Variants in ROBO2 observed in about 807,000 individuals in gnomAD.
ROBO2 encodes the protein roundabout homolog 2.
A neutral mutation model predicts 160.8 loss-of-function variants in ROBO2; 53 were observed. The observed-to-expected ratio is 0.33, with a 90% CI of 0.26 to 0.41. The LOEUF (loss-of-function observed/expected upper bound fraction) is 0.41. Ranked by LOEUF, ROBO2 falls within the 10% of genes least tolerant of loss-of-function variation. The pLI is 1.00. For missense variants in ROBO2, 1,577 were observed against 1,722.4 expected, an observed-to-expected ratio of 0.92 and a Z score of 1.49; for synonymous variants, 664 against 611.7, an observed-to-expected ratio of 1.09 and a Z score of -1.26.
chr3:76,190,696 T>G (rs1301797063), intron 2 of ROBO2, among the ~76,000 whole-genome samples: 1 of 152,074 alleles, frequency 6.6e-6, no homozygotes, highest in Non-Finnish European at 1.5e-5. Flanking sequence ...CTACCATAAC[T>G]TTACAAAATG....
At chr3:77,352,396 C>G (rs2068479259) in intron 2 of ROBO2, among the ~76,000 whole-genome samples, 1 of 152,086 alleles carries the variant, frequency 6.6e-6, no homozygotes, top group African/African-American at 2.4e-5. Flanking sequence ...TGCAGGTGGT[C>G]TGACATCCTG....
intron 9 of ROBO2, among the ~76,000 whole-genome samples, chr3:77,561,339 T>A (rs753504434): frequency 2.6e-5 from 4 of 152,166 alleles, no homozygotes; most frequent in Non-Finnish European, 5.9e-5. Context: ...CTTGTCTGAC[T>A]TTGTTTGGTC....
At chr3:77,469,188 G>T (rs1326450979) in intron 2 of ROBO2, among the ~76,000 whole-genome samples, 1 of 152,102 alleles carries the variant, frequency 6.6e-6, no homozygotes, top group Non-Finnish European at 1.5e-5. Flanking sequence ...ACTTACACTG[G>T]CTTAAATATA....
In ROBO2 at chr3:77,239,319, C is replaced by T. The variant is rs193009195; in HGVS notation, c.388+140979C>T. On this transcript the variant is annotated intron_variant, in intron 2 of 25. Coordinates refer to ENST00000461745, the Ensembl canonical transcript of ROBO2. ...TTAAGGCAGCGCGTCTAGAGTTGTT[C>T]GTTCCTCCCGTCCAGAGTTGTTCAT... is the stretch of plus-strand genomic sequence containing the variant. Among the ~76,000 whole-genome samples, 33 of 151,770 alleles carry T rather than the reference C, an allele frequency of 2.2e-4. 1 individual carries two copies. Among genetic ancestry groups the T allele is most frequent in the Admixed American group, 2.1e-3 (32 of 15,240 alleles).
chr3:76,153,316 C>T (rs1479794698), intron 2 of ROBO2, among the ~76,000 whole-genome samples: 2 of 152,146 alleles, frequency 1.3e-5, no homozygotes, highest in African/African-American at 4.8e-5. Context: ...CATTCTTCTA[C>T]CTGTCCCTTA....
intron 2 of ROBO2, among the ~76,000 whole-genome samples, chr3:76,107,740 C>T (rs1466567275): frequency 6.6e-6 from 1 of 152,042 alleles, no homozygotes; most frequent in Non-Finnish European, 1.5e-5. Context: ...CATCTGAAAT[C>T]CCTATTTTAT....
At position 76,181,369 on chromosome 3, in the gene ROBO2, G is replaced by A. The variant is rs145703843; in HGVS notation, c.109+243767G>A. ...AATATATCTAAGAATATGTCTACTT[G>A]TAAGAACAATTAAAAGAAAGGAAAT... On this transcript the variant is annotated intron_variant, in intron 2 of 26. Transcript: ENST00000487694. 1.9e-4 allele frequency among the ~76,000 whole-genome samples: 28 copies of A among 145,666 alleles called. No individual in the cohort carries two copies. In the East Asian group the frequency reaches 3.7e-3, roughly 19 times the overall value.
intron 2 of ROBO2, among the ~76,000 whole-genome samples, chr3:77,444,090 T>C (rs1008874046): frequency 1.3e-5 from 2 of 152,186 alleles, no homozygotes; most frequent in Non-Finnish European, 2.9e-5. Context: ...TGATCTTAGA[T>C]CTTCTTTTCT....
intron 2 of ROBO2, among the ~76,000 whole-genome samples, chr3:77,446,273 A>G (rs966299817): frequency 6.6e-6 from 1 of 152,088 alleles, no homozygotes; most frequent in African/African-American, 2.4e-5. Flanking sequence ...ACACATAAAC[A>G]CAAAGAAAAT....
At chr3:77,648,112 CAA>C (rs1156340712) in exon 26 of ROBO2, 3 of 152,132 alleles carry the variant, frequency 2.0e-5, no homozygotes, top group African/African-American at 7.2e-5. Flanking sequence ...TTCTCTGGGA[CAA>C]AGAGACTGAG....
intron 2 of ROBO2, among the ~76,000 whole-genome samples, chr3:77,032,310 G>C (rs1288919871): frequency 6.6e-6 from 1 of 152,096 alleles, no homozygotes; most frequent in African/African-American, 2.4e-5. Context: ...TACAAACTAT[G>C]ACACTTTCAA....
chr3:75,937,720 T>G, intron 2 of ROBO2: 1 of 559,194 alleles, frequency 1.8e-6, no homozygotes. Context: ...CCCCCAGGTT[T>G]TTGTTACACG....
intron 2 of ROBO2, among the ~76,000 whole-genome samples, chr3:76,546,438 G>A (rs2083104092): frequency 6.6e-6 from 1 of 151,806 alleles, no homozygotes; most frequent in African/African-American, 2.4e-5. Flanking sequence ...GCACGGCAAA[G>A]AGAAATTAAG....
chr3:77,036,450 GA>G (rs1485326586), upstream of ROBO2, among the ~76,000 whole-genome samples: 1 of 151,958 alleles, frequency 6.6e-6, no homozygotes, highest in South Asian at 2.1e-4. Context: ...AATCTGGTAT[GA>G]AAAAAGAAAT....
At chr3:77,024,692 C>T (rs1258213403) in intron 2 of ROBO2, among the ~76,000 whole-genome samples, 2 of 152,134 alleles carry the variant, frequency 1.3e-5, no homozygotes, top group Admixed American at 6.6e-5. Context: ...CTGGATTCTA[C>T]TTTGCATAAT....
chr3:77,296,472 A>T (rs554300926), intron 2 of ROBO2, among the ~76,000 whole-genome samples: 74 of 152,260 alleles, frequency 4.9e-4, no homozygotes, highest in Non-Finnish European at 7.8e-4. Context: ...TGCACATTGG[A>T]CTTGCCTCAG....
intron 2 of ROBO2, among the ~76,000 whole-genome samples, chr3:76,620,546 G>T (rs1373782803): frequency 6.6e-6 from 1 of 151,902 alleles, no homozygotes. Context: ...ATAAAATTAG[G>T]GGTAAACCTG....
At chr3:76,655,320 CA>C (rs1339065286) in intron 2 of ROBO2, among the ~76,000 whole-genome samples, 5 of 147,762 alleles carry the variant, frequency 3.4e-5, no homozygotes, top group Admixed American at 3.4e-4. Context: ...AATATTAATA[CA>C]AAGTTTAATG....
chr3:77,507,711 T>A (rs1049127995), intron 5 of ROBO2, among the ~76,000 whole-genome samples: 2 of 152,170 alleles, frequency 1.3e-5, no homozygotes, highest in African/African-American at 4.8e-5. Context: ...GTAAAACAAT[T>A]ATTTCTAAAT....
Sources: allele counts gnomAD v4.1 joint callset (sites outside exome capture counted in the v4.1 genomes callset), GRCh38; gene constraint gnomAD v4.1.1; transcripts MANE v1.5; gene names NCBI Gene and HGNC (gene_info 2026-07-23, HGNC 2026-07-21).